Variants in IRAG1 observed in about 807,000 individuals in gnomAD.
IRAG1 encodes the protein inositol 1,4,5-triphosphate receptor associated 1, also known as IP3R-associated cGMP kinase substrate.
IRAG1 carries 62 observed loss-of-function variants against 106.2 expected under a neutral mutation model. The ratio of observed to expected loss-of-function variants is 0.58; its 90% CI spans 0.48 to 0.72. The LOEUF is 0.72. Among genes scored for constraint, IRAG1 ranks in the 30% least tolerant of loss-of-function variants. The pLI, the probability that IRAG1 is intolerant of heterozygous loss-of-function variation, is 0.00. For synonymous variants in IRAG1, 462 were observed against 443.9 expected, an observed-to-expected ratio of 1.04 and a Z score of -0.51; for missense variants, 1,064 against 1,140.7, an observed-to-expected ratio of 0.93 and a Z score of 0.97.
intron 15 of IRAG1, chr11:10,595,595 G>C (rs1412101439): frequency 6.6e-6 from 1 of 152,064 alleles, no homozygotes. Flanking sequence ...TATTCATTAT[G>C]TTTGTTGATT....
At chr11:10,633,176 G>A (rs536499008) in intron 3 of IRAG1, among the ~76,000 whole-genome samples, 26 of 149,436 alleles carry the variant, frequency 1.7e-4, no homozygotes, top group South Asian at 1.7e-3. Context: ...CCGGGTTCAC[G>A]CCATTCTCCT....
Position 10,604,560 on chromosome 11 carries a change from G to T in IRAG1, c.1603-15C>A. 6.2e-7 allele frequency: 1 copy of T among 1,613,974 alleles called. No individual in the cohort carries two copies. Among genetic ancestry groups the T allele is most frequent in the Non-Finnish European group, 8.5e-7 (1 of 1,179,866 alleles). The stretch of plus-strand genomic sequence containing the variant: ...ACAAACACGTTCTGTTGGGAACAAG[G>T]GTGTGAGAGAGGTGCTGGGAGGAGT... On this transcript the variant is annotated splice_polypyrimidine_tract_variant and intron_variant, in intron 12 of 20. Coordinates refer to ENST00000423302, the MANE Select transcript of IRAG1 (RefSeq NM_130385.4).
chr11:10,608,629 T>C (rs1175369560), intron 11 of IRAG1, among the ~76,000 whole-genome samples: 1 of 152,208 alleles, frequency 6.6e-6, no homozygotes. Flanking sequence ...TAAGTGACTA[T>C]TTGTATATCT....
chr11:10,581,344 G>A (rs1447969200), intron 19 of IRAG1, among the ~76,000 whole-genome samples: 1 of 152,156 alleles, frequency 6.6e-6, no homozygotes, highest in Non-Finnish European at 1.5e-5. Context: ...CTACCTTGAG[G>A]CTTGGTACCT....
chr11:10,611,636 A>C (rs1854969427), intron 10 of IRAG1: 1 of 152,252 alleles, frequency 6.6e-6, no homozygotes, highest in South Asian at 2.1e-4. Context: ...AAGAAAAGGC[A>C]ATAGTCTTTA....
chr11:10,590,953 G>T (rs1359497731), intron 18 of IRAG1, among the ~76,000 whole-genome samples: 2 of 152,194 alleles, frequency 1.3e-5, no homozygotes, highest in Non-Finnish European at 2.9e-5. Flanking sequence ...TTCCCAAAGT[G>T]ATTCTTTTAG....
In IRAG1 at chr11:10,628,208, G is replaced by A; in HGVS notation, c.653-183C>T. On this transcript the variant is annotated intron_variant, in intron 6 of 20. Coordinates refer to ENST00000423302, the MANE Select transcript of IRAG1 (RefSeq NM_130385.4). The surrounding 1 kb of genome is among the most constrained non-coding windows in gnomAD (Gnocchi z 4.1). Reference sequence around the variant, plus strand: ...TCACAGAATGTTCACAGAGACCACAGGAGGAAACTGAGGCACAGGGAAATC... The same window carrying A: ...TCACAGAATGTTCACAGAGACCACAAGAGGAAACTGAGGCACAGGGAAATC... 2.8e-6 allele frequency: 2 copies of A among 715,544 alleles called. No individual in the cohort carries two copies. Among genetic ancestry groups the A allele is most frequent in the South Asian group, 3.0e-5 (2 of 65,996 alleles). 44.3% of individuals were successfully genotyped at this position (715,544 alleles called of 1,614,324 possible).
chr11:10,591,643 G>A (rs1165971024), intron 17 of IRAG1, 31 bp from the exon 18 acceptor site: 4 of 1,560,318 alleles, frequency 2.6e-6, no homozygotes, highest in East Asian at 2.3e-5. Flanking sequence ...AGAGAATTGA[G>A]GATGCGCTAT....
chr11:10,687,449 G>A (rs1861743059), intron 1 of IRAG1: 1 of 197,578 alleles, frequency 5.1e-6, no homozygotes. Flanking sequence ...TTTCCCCAGT[G>A]GGCACCCCCT....
At chr11:10,594,061 C>A in intron 16 of IRAG1, 85 bp downstream of exon 16, 1 of 1,258,438 alleles carries the variant, frequency 7.9e-7, no homozygotes, top group Non-Finnish European at 1.1e-6. Flanking sequence ...ATCCATGGAT[C>A]CCAGAATGAA....
chr11:10,609,825 T>C lies in IRAG1; in HGVS notation c.1474A>G (p.Ile492Val). Residue 492 changes from isoleucine (I) to valine (V), a missense_variant, in exon 11 of 21, where the codon ATT (isoleucine) becomes GTT (valine). Ile to Val is a conservative substitution (Grantham distance 29). Coordinates refer to ENST00000423302, the MANE Select transcript of IRAG1 (RefSeq NM_130385.4). ...KGLPSELSPA[I>V]EEEESKSGLD... is the part of the protein sequence containing the mutation. ...CCACTCTTTGACTCTTCTTCCTCAA[T>C]AGCTGGGGAGAGTTCAGAAGGAAGC... 3 of 1,613,964 alleles carry C rather than the reference T, an allele frequency of 1.9e-6. No individual in the cohort carries two copies. The highest frequency in any genetic ancestry group is 2.5e-6 in the Non-Finnish European group (3 of 1,179,856).
intron 1 of IRAG1, among the ~76,000 whole-genome samples, chr11:10,660,093 G>T (rs1352868870): frequency 1.3e-5 from 2 of 152,214 alleles, no homozygotes; most frequent in Non-Finnish European, 2.9e-5. Context: ...CTAAGCCTGA[G>T]AAGTAGGTGG....
chr11:10,674,764 C>T (rs759696425), intron 1 of IRAG1, among the ~76,000 whole-genome samples: 13 of 152,208 alleles, frequency 8.5e-5, no homozygotes, highest in Non-Finnish European at 1.5e-4. Flanking sequence ...TGCACGGTGT[C>T]GGCTCCCTGC....
At chr11:10,656,475 G>C (rs1858935166) in intron 1 of IRAG1, among the ~76,000 whole-genome samples, 1 of 152,170 alleles carries the variant, frequency 6.6e-6, no homozygotes, top group Admixed American at 6.5e-5. Context: ...CCAGTAATTT[G>C]TGCAACTGAA....
At chr11:10,637,929 G>A (rs758702014) in intron 2 of IRAG1, among the ~76,000 whole-genome samples, 3 of 152,212 alleles carry the variant, frequency 2.0e-5, no homozygotes, top group African/African-American at 7.2e-5. Flanking sequence ...GGAAGAAGAA[G>A]GAATAGGGAG....
chr11:10,616,109 T>C (rs1855397320), intron 10 of IRAG1, among the ~76,000 whole-genome samples: 1 of 151,012 alleles, frequency 6.6e-6, no homozygotes, highest in Non-Finnish European at 1.5e-5. Flanking sequence ...ATCGAGACCA[T>C]CCTGGCTAAC....
chr11:10,652,114 G>A lies in IRAG1; in HGVS notation c.136C>T (p.His46Tyr). The A allele has an allele frequency of 6.2e-7, 1 of 1,610,782 alleles. No individual in the cohort carries two copies. Among genetic ancestry groups the A allele is most frequent in the Non-Finnish European group, 8.5e-7 (1 of 1,178,760 alleles). The change falls in exon 2 of 21, where the codon CAC becomes TAC. Residue 46 changes from histidine (H) to tyrosine (Y), a missense_variant. Transcript: ENST00000423302. ...DAAEVPGTRGHSQQEAAMPHI... is the reference protein window; with the variant it reads ...DAAEVPGTRGYSQQEAAMPHI... Reference sequence around the variant, plus strand: ...GGCATGGCAGCCTCCTGCTGGGAGTGGCCACGTGTGCCCGGAACCTCCGCT... The same window carrying A: ...GGCATGGCAGCCTCCTGCTGGGAGTAGCCACGTGTGCCCGGAACCTCCGCT...
chr11:10,604,332 A>C, intron 13 of IRAG1, 73 bp downstream of exon 13: 1 of 1,579,282 alleles, frequency 6.3e-7, no homozygotes, highest in Non-Finnish European at 8.6e-7. Flanking sequence ...ACCTGAGAGA[A>C]GCATGACACC....
At position 10,633,282 on chromosome 11, in the gene IRAG1, A is replaced by G. The variant is rs192286151; in HGVS notation, c.329+686T>C. Among the ~76,000 whole-genome samples the G allele has an allele frequency of 4.2e-3, 640 of 152,202 alleles. 6 individuals carry two copies. Among genetic ancestry groups the G allele is most frequent in the African/African-American group, 0.012 (481 of 41,534 alleles). ...AGTAGAGACGTGGTTTCACTGTGTT[A>G]GCCAGGATGGTCTCGATCTCCTGAC... On this transcript the variant is annotated intron_variant, in intron 3 of 20. Transcript: ENST00000423302.
Sources: gnomAD v4.1 joint callset for allele counts (sites outside exome capture counted in the v4.1 genomes callset) on GRCh38, gnomAD v4.1.1 for gene constraint, Gnocchi (gnomAD v3.1) non-coding constraint, MANE v1.5 for transcripts, NCBI Gene and HGNC (gene_info 2026-07-23, HGNC 2026-07-21) for gene names.